Variants in MRPS5 observed in about 807,000 individuals in gnomAD.
The protein encoded by MRPS5 is small ribosomal subunit protein uS5m.
In MRPS5, 27 loss-of-function variants were observed where a neutral mutation model predicts 51.9. The observed-to-expected ratio is 0.52, with a 90% CI of 0.38 to 0.72. The LOEUF is 0.72. Among genes scored for constraint, MRPS5 ranks in the 30% least tolerant of loss-of-function variants. The probability of loss-of-function intolerance (pLI) is 0.00; values close to 1 mark genes in which losing one functional copy is unlikely to be tolerated. For synonymous variants in MRPS5, 196 were observed against 193.2 expected, an observed-to-expected ratio of 1.01 and a Z score of -0.12; for missense variants, 570 against 545.7, an observed-to-expected ratio of 1.04 and a Z score of -0.44.
chr2:95,087,494 A>G lies in MRPS5; in HGVS notation c.1156T>C (p.Ser386Pro), dbSNP rs149040333. The G allele has an allele frequency of 2.9e-3, 4,613 of 1,613,944 alleles. 15 individuals are homozygous for G. Among genetic ancestry groups the G allele is most frequent in the Non-Finnish European group, 3.0e-3 (3,566 of 1,179,968 alleles). Residue 386 changes from serine to proline, a missense_variant, in exon 12 of 12, where the codon TCC (serine) becomes CCC (proline). Physicochemically the swap from Ser to Pro is moderately conservative, Grantham distance 74. Coordinates refer to ENST00000272418, the MANE Select transcript of MRPS5 (RefSeq NM_031902.5). ...ECGPLPIVVASPRGPLRKDPE... is the reference protein window; with the variant it reads ...ECGPLPIVVAPPRGPLRKDPE... The stretch of plus-strand genomic sequence containing the variant: ...TCCTTCCTCAAGGGCCCCCGGGGGG[A>G]CGCAACCACAATGGGCAGAGGGCCA...
chr2:95,120,858 A>T (rs1274557192), intron 1 of MRPS5, among the ~76,000 whole-genome samples: 1 of 152,172 alleles, frequency 6.6e-6, no homozygotes. Context: ...GTGGTGGCTC[A>T]CACCTGTACT....
chr2:95,106,877 C>T (rs1269002693), intron 5 of MRPS5, among the ~76,000 whole-genome samples: 4 of 152,164 alleles, frequency 2.6e-5, no homozygotes, highest in African/African-American at 9.7e-5. Context: ...ATCCATGCAG[C>T]TCTCTGGCCA....
chr2:95,108,243 T>C lies in MRPS5; in HGVS notation c.569A>G (p.Glu190Gly), dbSNP rs1252504278. 1 of 1,614,112 alleles carries C rather than the reference T, an allele frequency of 6.2e-7. No homozygotes were observed. Among genetic ancestry groups the C allele is most frequent in the Non-Finnish European group, 8.5e-7 (1 of 1,180,012 alleles). Reference sequence around the variant, plus strand: ...CCATGAGTTTCCACTCCATCCTCGCTCCCGTTTAACCTTCATCTTCTTCTT... The same window carrying C: ...CCATGAGTTTCCACTCCATCCTCGCCCCCGTTTAACCTTCATCTTCTTCTT... ...DRKKKMKVKR[E>G]RGWSGNSWGG... The change falls in exon 5 of 12, where the codon GAG becomes GGG. Residue 190 changes from glutamate to glycine, a missense_variant. Glu to Gly is a moderately conservative substitution (Grantham distance 98). Transcript: ENST00000272418.
In MRPS5 at chr2:95,100,859, T is replaced by C. The variant is rs1558680046; in HGVS notation, c.846A>G (p.Ile282Met). ...KNRAVHHLHY[I>M]ERYEDHTIFH... ...CACTTGTATGGTCTTCATATCGTTC[T>C]ATATAATGCAAATGGTGAACTGCTC... Residue 282 changes from isoleucine (I) to methionine (M), a missense_variant, in exon 9 of 12, where the codon ATA (isoleucine) becomes ATG (methionine). Coordinates refer to ENST00000272418, the MANE Select transcript of MRPS5 (RefSeq NM_031902.5). The C allele has an allele frequency of 1.2e-6, 2 of 1,607,822 alleles. No homozygotes were observed. The highest frequency in any genetic ancestry group is 1.7e-6 in the Non-Finnish European group (2 of 1,178,360).
At chr2:95,108,947 CT>C (rs1343023140) in intron 4 of MRPS5, among the ~76,000 whole-genome samples, 4 of 150,998 alleles carry the variant, frequency 2.6e-5, no homozygotes, top group Non-Finnish European at 4.4e-5. Context: ...TACATAATAC[CT>C]TTTGTATTCA....
chr2:95,101,731 CA>C lies in MRPS5; in HGVS notation c.764-9del. 1.9e-6 allele frequency: 3 copies of C among 1,588,790 alleles called. No individual in the cohort carries two copies. The highest frequency in any genetic ancestry group is 3.8e-5 in the Admixed American group (2 of 52,806). On this transcript the variant is annotated splice_polypyrimidine_tract_variant and intron_variant, in intron 7 of 11. Coordinates refer to ENST00000272418, the MANE Select transcript of MRPS5 (RefSeq NM_031902.5). ...CTTTCCCAATAGAAAAACCTTTAAACAAAAAAGCAAAAATAAGAAAAGAGAC... is the reference window on the plus strand; with the variant it reads ...CTTTCCCAATAGAAAAACCTTTAAACAAAAAGCAAAAATAAGAAAAGAGAC...
chr2:95,105,257 A>C (rs1276604368), intron 6 of MRPS5, among the ~76,000 whole-genome samples: 1 of 152,248 alleles, frequency 6.6e-6, no homozygotes, highest in Non-Finnish European at 1.5e-5. Flanking sequence ...TGTATTTAAA[A>C]GGCCAGGAAC....
At chr2:95,121,315 T>C (rs377598692) in intron 1 of MRPS5, among the ~76,000 whole-genome samples, 3 of 152,184 alleles carry the variant, frequency 2.0e-5, no homozygotes, top group African/African-American at 2.4e-5. Flanking sequence ...TCCAGTAAAA[T>C]TGAGCAAACA....
chr2:95,104,166 AAT>A (rs1194620831), intron 7 of MRPS5: 1 of 167,712 alleles, frequency 6.0e-6, no homozygotes, highest in African/African-American at 2.4e-5. Flanking sequence ...TTGGCACATA[AAT>A]ATACTTTTAA....
Position 95,087,197 on chromosome 2 carries a change from G to T in MRPS5, c.*160C>A. ...TCTATCACATTGGCATATAACATGT[G>T]CTCAACAAATGAAAGCTATAATTAT... is the stretch of plus-strand genomic sequence containing the variant. On this transcript the variant is annotated 3_prime_UTR_variant, in exon 12 of 12. Coordinates refer to ENST00000272418, the MANE Select transcript of MRPS5 (RefSeq NM_031902.5). 1 of 595,060 alleles carries T rather than the reference G, an allele frequency of 1.7e-6. No homozygotes were observed. The highest frequency in any genetic ancestry group is 2.9e-6 in the Non-Finnish European group (1 of 339,992). 36.9% of individuals were successfully genotyped at this position (595,060 alleles called of 1,614,324 possible).
chr2:95,119,385 G>A (rs569083180), intron 1 of MRPS5, among the ~76,000 whole-genome samples: 1 of 152,288 alleles, frequency 6.6e-6, no homozygotes, highest in South Asian at 2.1e-4. Flanking sequence ...TAAGGCGGGA[G>A]GACTGCTTGA....
At chr2:95,099,398 T>C (rs1022518923) in intron 10 of MRPS5, among the ~76,000 whole-genome samples, 1 of 152,108 alleles carries the variant, frequency 6.6e-6, no homozygotes, top group African/African-American at 2.4e-5. Context: ...TTTTAAAAAG[T>C]TTATTTAGAG....
At position 95,086,191 on chromosome 2, in the gene MRPS5, G is replaced by T. The variant is rs1675282836; in HGVS notation, c.*1166C>A. ...TGCCTCACCTTCACAAAGTGCTGGG[G>T]TTATAGGCGTGAGCCACCACACCTA... On this transcript the variant is annotated 3_prime_UTR_variant, in exon 12 of 12. Coordinates refer to ENST00000272418, the MANE Select transcript of MRPS5 (RefSeq NM_031902.5). Among the ~76,000 whole-genome samples the T allele has an allele frequency of 6.6e-6, 1 of 152,018 alleles. No individual in the cohort carries two copies. The highest frequency in any genetic ancestry group is 6.6e-5 in the Admixed American group (1 of 15,260).
At chr2:95,087,726 A>G in intron 11 of MRPS5, 145 bp from the exon 12 acceptor site, 2 of 683,270 alleles carry the variant, frequency 2.9e-6, no homozygotes, top group Non-Finnish European at 4.9e-6. Flanking sequence ...TTTGTGGCTA[A>G]ACTCTAATAA....
chr2:95,087,077 G>A lies in MRPS5; in HGVS notation c.*280C>T. On this transcript the variant is annotated 3_prime_UTR_variant, in exon 12 of 12. Coordinates refer to ENST00000272418, the MANE Select transcript of MRPS5 (RefSeq NM_031902.5). ...CATTGTGTACATTATTACTGATTGGGTCAAATTATTAACCCCGTCTCCCTA... is the reference window on the plus strand; with the variant it reads ...CATTGTGTACATTATTACTGATTGGATCAAATTATTAACCCCGTCTCCCTA... The A allele has an allele frequency of 3.0e-6, 1 of 333,064 alleles. No individual in the cohort carries two copies. The highest frequency in any genetic ancestry group is 5.3e-5 in the East Asian group (1 of 18,932). The allele number at this position is 333,064 out of a possible 1,614,324, so 20.6% of individuals were successfully genotyped here.
intron 6 of MRPS5, 29 bp downstream of exon 6, chr2:95,106,394 T>TA (rs746624146): frequency 1.3e-6 from 2 of 1,555,234 alleles, no homozygotes; most frequent in Non-Finnish European, 1.8e-6. Flanking sequence ...TCCAAAGGCT[T>TA]AACCAGGTAT....
Position 95,087,315 on chromosome 2 carries a change from G to A in MRPS5, c.*42C>T. 11 of 1,542,064 alleles carry A rather than the reference G, an allele frequency of 7.1e-6. No homozygotes were observed. The highest frequency in any genetic ancestry group is 9.9e-6 in the Non-Finnish European group (11 of 1,115,766). On this transcript the variant is annotated 3_prime_UTR_variant, in exon 12 of 12. Coordinates refer to ENST00000272418, the MANE Select transcript of MRPS5 (RefSeq NM_031902.5). ...CTGTGAGGGGCTGAGTCTCTCCTAG[G>A]TGCAGGGCAGCACAGGAACTGGCTG...
intron 3 of MRPS5, among the ~76,000 whole-genome samples, chr2:95,110,276 T>C (rs532331595): frequency 6.6e-6 from 1 of 152,338 alleles, no homozygotes; most frequent in East Asian, 1.9e-4. Flanking sequence ...AAATATTTTA[T>C]TTTTCCCTCT....
intron 1 of MRPS5, among the ~76,000 whole-genome samples, chr2:95,121,031 T>C (rs1370564483): frequency 1.3e-5 from 2 of 151,972 alleles, no homozygotes; most frequent in Admixed American, 1.3e-4. Context: ...GGCAGGAGAA[T>C]CGCTTGAACC....
Sources: gnomAD v4.1 joint callset for allele counts (sites outside exome capture counted in the v4.1 genomes callset) on GRCh38, gnomAD v4.1.1 for gene constraint, MANE v1.5 for transcripts, NCBI Gene and HGNC (gene_info 2026-07-23, HGNC 2026-07-21) for gene names.